Variants in DLGAP1 observed in about 807,000 individuals in gnomAD.
DLGAP1 encodes the protein disks large-associated protein 1.
DLGAP1 carries 11 observed loss-of-function variants against 90.8 expected under a neutral mutation model. The ratio of observed to expected loss-of-function variants is 0.12; its 90% CI spans 0.08 to 0.20. The LOEUF (loss-of-function observed/expected upper bound fraction) is 0.20. Ranked by LOEUF, DLGAP1 falls within the 10% of genes least tolerant of loss-of-function variation. The probability of loss-of-function intolerance (pLI) is 1.00; values close to 1 mark genes in which losing one functional copy is unlikely to be tolerated. For missense variants in DLGAP1, 1,050 were observed against 1,333.8 expected (o/e 0.79, Z 3.31); for synonymous variants, 558 against 540.7 (o/e 1.03, Z -0.44).
chr18:3,654,877 G>C (rs537935286), intron 7 of DLGAP1: 2 of 152,268 alleles, frequency 1.3e-5, no homozygotes, highest in East Asian at 1.9e-4. Context: ...GCTGAGTTTA[G>C]AGTAGCATCA....
At chr18:3,849,832 T>C (rs1482011647) in intron 4 of DLGAP1, among the ~76,000 whole-genome samples, 1 of 152,158 alleles carries the variant, frequency 6.6e-6, no homozygotes, top group Non-Finnish European at 1.5e-5. Flanking sequence ...TAAATATTTT[T>C]GAATGAATGA....
At chr18:4,016,500 A>G (rs2074525429) in intron 2 of DLGAP1, among the ~76,000 whole-genome samples, 1 of 152,218 alleles carries the variant, frequency 6.6e-6, no homozygotes, top group African/African-American at 2.4e-5. Flanking sequence ...GAGCCACAAC[A>G]GATTACCCTT....
chr18:4,236,577 C>T (rs1345795649), intron 1 of DLGAP1, among the ~76,000 whole-genome samples: 1 of 152,156 alleles, frequency 6.6e-6, no homozygotes, highest in Non-Finnish European at 1.5e-5. Flanking sequence ...ACAAGCTGCA[C>T]TTTATAGCTT....
chr18:3,999,297 A>G (rs1026635057), intron 3 of DLGAP1, among the ~76,000 whole-genome samples: 2 of 152,130 alleles, frequency 1.3e-5, no homozygotes, highest in Non-Finnish European at 2.9e-5. Flanking sequence ...TATTATTATT[A>G]AAAGTTTATA....
chr18:3,529,060 T>C (rs972616684), intron 10 of DLGAP1, among the ~76,000 whole-genome samples: 3 of 152,210 alleles, frequency 2.0e-5, no homozygotes, highest in South Asian at 2.1e-4. Context: ...CGGGAACACC[T>C]TTCCAGCTTT....
Position 3,710,061 on chromosome 18 carries a change from G to A in DLGAP1, c.1591+19074C>T, listed in dbSNP as rs9965208. ...GGGAGCTGCTATTTTCTGTAGTGGA[G>A]GAAGTGATTCTTCCTGTGTGGCTAC... On this transcript the variant is annotated intron_variant, in intron 7 of 12. Transcript: ENST00000315677. 7.2e-3 allele frequency among the ~76,000 whole-genome samples: 1,102 copies of A among 152,236 alleles called. 12 individuals carry two copies. The highest frequency in any genetic ancestry group is 0.026 in the African/African-American group (1,063 of 41,530).
intron 7 of DLGAP1, among the ~76,000 whole-genome samples, chr18:3,688,706 G>T (rs1183731482): frequency 6.7e-6 from 1 of 149,866 alleles, no homozygotes; most frequent in Non-Finnish European, 1.5e-5. Context: ...AAGGTGGGAA[G>T]CAGGTAAAGG....
At chr18:3,822,089 A>G (rs1449078677) in intron 4 of DLGAP1, 3 of 699,622 alleles carry the variant, frequency 4.3e-6, no homozygotes, top group African/African-American at 3.9e-5. Context: ...ATCCCTAGGC[A>G]TGATTGTTGC....
intron 5 of DLGAP1, chr18:3,769,872 G>A (rs2064439859): frequency 6.6e-6 from 1 of 151,914 alleles, no homozygotes; most frequent in Admixed American, 6.6e-5. Flanking sequence ...TGGGTATAAG[G>A]TGCATGAGAT....
intron 3 of DLGAP1, among the ~76,000 whole-genome samples, chr18:3,953,908 G>A (rs181248354): frequency 2.6e-4 from 40 of 152,260 alleles, no homozygotes; most frequent in East Asian, 5.8e-4. Flanking sequence ...AAAAATGGCC[G>A]GAGAGATTCC....
intron 1 of DLGAP1, among the ~76,000 whole-genome samples, chr18:4,445,993 T>C (rs1029809621): frequency 2.0e-5 from 3 of 151,806 alleles, no homozygotes; most frequent in Admixed American, 6.6e-5. Context: ...CTTGTCCTAG[T>C]CTCTAGGAGC....
chr18:3,667,064 C>T (rs993369861), intron 7 of DLGAP1, among the ~76,000 whole-genome samples: 21 of 151,542 alleles, frequency 1.4e-4, no homozygotes, highest in African/African-American at 4.1e-4. Flanking sequence ...CCACTGTGCC[C>T]GGTTGCTAAT....
intron 3 of DLGAP1, among the ~76,000 whole-genome samples, chr18:3,902,315 G>A (rs992125426): frequency 1.1e-4 from 16 of 151,856 alleles, no homozygotes; most frequent in African/African-American, 2.2e-4. Context: ...AAGTAATATC[G>A]AGTTGCTTTT....
chr18:4,436,321 G>C (rs1191884045), intron 1 of DLGAP1, among the ~76,000 whole-genome samples: 2 of 152,044 alleles, frequency 1.3e-5, no homozygotes, highest in Non-Finnish European at 2.9e-5. Flanking sequence ...AAAGCCAGTG[G>C]TTCTGAAACT....
chr18:3,883,192 C>T (rs574689769), intron 3 of DLGAP1, among the ~76,000 whole-genome samples: 85 of 152,266 alleles, frequency 5.6e-4, no homozygotes, highest in Admixed American at 9.2e-4. Context: ...TGCGGCAAGC[C>T]GAGATCGTGC....
Position 4,225,100 on chromosome 18 carries a change from G to T in DLGAP1, c.-266-73813C>A, listed in dbSNP as rs577236159. Among the ~76,000 whole-genome samples the T allele has an allele frequency of 2.0e-5, 3 of 152,166 alleles. No homozygotes were observed. In the South Asian group the frequency reaches 6.2e-4, roughly 32 times the overall value. ...GCCTGGTAATCCAGAAAATTCTTTT[G>T]TATCTCATGCAATACTACCAAGAAC... On this transcript the variant is annotated intron_variant, in intron 1 of 12. Transcript: ENST00000315677.
intron 9 of DLGAP1, among the ~76,000 whole-genome samples, chr18:3,542,763 T>G (rs752528592): frequency 6.6e-6 from 1 of 152,162 alleles, no homozygotes; most frequent in Non-Finnish European, 1.5e-5. Flanking sequence ...GATGATTGCT[T>G]TATAAATTAT....
chr18:4,149,481 G>A (rs1341408755), intron 2 of DLGAP1, among the ~76,000 whole-genome samples: 1 of 152,102 alleles, frequency 6.6e-6, no homozygotes, highest in African/African-American at 2.4e-5. Flanking sequence ...ATTATGTCCC[G>A]GGGTTCACTT....
intron 3 of DLGAP1, among the ~76,000 whole-genome samples, chr18:3,943,988 C>A (rs552877457): frequency 6.6e-6 from 1 of 152,286 alleles, no homozygotes; most frequent in South Asian, 2.1e-4. Flanking sequence ...GGACTTCCAG[C>A]CTTCAGAACA....
Sources: gnomAD v4.1 joint callset for allele counts (sites outside exome capture counted in the v4.1 genomes callset) on GRCh38, gnomAD v4.1.1 for gene constraint, MANE v1.5 for transcripts, NCBI Gene and HGNC (gene_info 2026-07-23, HGNC 2026-07-21) for gene names.